Variants in TGFBR3 observed in about 807,000 individuals in gnomAD.
TGFBR3 encodes the protein transforming growth factor beta receptor 3, also known as transforming growth factor beta receptor type 3.
Under a neutral mutation model 87.9 loss-of-function variants are expected in TGFBR3, and 46 were observed. The observed-to-expected ratio is 0.52, with a 90% CI of 0.41 to 0.67. The LOEUF is 0.67. TGFBR3 is among the 30% of genes least tolerant of loss of function. TGFBR3 has a pLI of 0.00. For synonymous variants in TGFBR3, 381 were observed against 391.6 expected, an observed-to-expected ratio of 0.97 and a Z score of 0.32; for missense variants, 866 against 1,041.9, an observed-to-expected ratio of 0.83 and a Z score of 2.32.
intron 2 of TGFBR3, among the ~76,000 whole-genome samples, chr1:91,839,233 C>A (rs1032140733): frequency 6.6e-6 from 1 of 152,164 alleles, no homozygotes; most frequent in Non-Finnish European, 1.5e-5. Context: ...CCACCTCACC[C>A]CGTGAAAGTA....
chr1:91,800,871 G>A lies in TGFBR3; in HGVS notation c.62-3400C>T, dbSNP rs528112411. The A allele has an allele frequency of 6.4e-5, 11 of 171,410 alleles. No individual in the cohort carries two copies. In the South Asian group the frequency reaches 1.3e-3, roughly 20 times the overall value. 10.6% of individuals were successfully genotyped at this position (171,410 alleles called of 1,614,324 possible). Reference sequence around the variant, plus strand: ...AGGCCGAAGCGGGTGGATCACCTGAGGTCAGGAGTTCAAGACCAGCCTAGC... The same window carrying A: ...AGGCCGAAGCGGGTGGATCACCTGAAGTCAGGAGTTCAAGACCAGCCTAGC... On this transcript the variant is annotated intron_variant, in intron 2 of 16. Coordinates refer to ENST00000212355, the MANE Select transcript of TGFBR3 (RefSeq NM_003243.5).
intron 2 of TGFBR3, among the ~76,000 whole-genome samples, chr1:91,806,717 A>G (rs1675847177): frequency 6.6e-6 from 1 of 152,210 alleles, no homozygotes; most frequent in Non-Finnish European, 1.5e-5. Flanking sequence ...ATAGGCTGGG[A>G]CCAAGACATC....
chr1:91,690,858 AAAG>A (rs1241191375), intron 16 of TGFBR3, among the ~76,000 whole-genome samples: 1 of 152,180 alleles, frequency 6.6e-6, no homozygotes, highest in East Asian at 1.9e-4. Flanking sequence ...AGATCATCTT[AAAG>A]AAGTTCACAA....
chr1:91,904,503 T>G (rs1331950775), intron 1 of TGFBR3, among the ~76,000 whole-genome samples: 1 of 151,616 alleles, frequency 6.6e-6, no homozygotes, highest in African/African-American at 2.4e-5. Flanking sequence ...TTCAAGCAAT[T>G]CTCCTGCCTC....
chr1:91,753,133 C>T (rs977873784), intron 4 of TGFBR3, among the ~76,000 whole-genome samples: 30 of 151,676 alleles, frequency 2.0e-4, no homozygotes, highest in Admixed American at 1.2e-3. Flanking sequence ...CGCCTATAAA[C>T]CCAGCACTTT....
intron 12 of TGFBR3, among the ~76,000 whole-genome samples, chr1:91,712,852 C>T: frequency 6.6e-6 from 1 of 152,146 alleles, no homozygotes; most frequent in East Asian, 1.9e-4. Context: ...AAAATAAAAA[C>T]ATATTTTGCA....
intron 1 of TGFBR3, among the ~76,000 whole-genome samples, chr1:91,874,047 T>C (rs1678689424): frequency 6.6e-6 from 1 of 152,202 alleles, no homozygotes; most frequent in Non-Finnish European, 1.5e-5. Flanking sequence ...GTGTGGGTAT[T>C]CAACAGAGAA....
intron 3 of TGFBR3, among the ~76,000 whole-genome samples, chr1:91,787,712 C>A (rs930333653): frequency 6.6e-6 from 1 of 152,286 alleles, no homozygotes; most frequent in Middle Eastern, 3.4e-3. Context: ...CACTGGCTCA[C>A]GCCTGTAAGC....
chr1:91,741,802 A>G (rs1021310418), intron 4 of TGFBR3, among the ~76,000 whole-genome samples: 2 of 152,036 alleles, frequency 1.3e-5, no homozygotes, highest in Non-Finnish European at 2.9e-5. Flanking sequence ...GGTCCTTATA[A>G]TCTCAACCAA....
chr1:91,800,009 G>C (rs1399084803), intron 2 of TGFBR3, among the ~76,000 whole-genome samples: 1 of 151,888 alleles, frequency 6.6e-6, no homozygotes, highest in Non-Finnish European at 1.5e-5. Flanking sequence ...CCACGGGTTG[G>C]TTATATGAGT....
chr1:91,880,325 G>A (rs769787721), intron 1 of TGFBR3, among the ~76,000 whole-genome samples: 7 of 152,110 alleles, frequency 4.6e-5, no homozygotes, highest in Non-Finnish European at 8.8e-5. Context: ...ATATGGCCGG[G>A]CGCGATGGCT....
chr1:91,828,453 C>T (rs1228629595), intron 2 of TGFBR3, among the ~76,000 whole-genome samples: 1 of 152,146 alleles, frequency 6.6e-6, no homozygotes, highest in Non-Finnish European at 1.5e-5. Flanking sequence ...TGAATGAAAA[C>T]GAACAGGACA....
At chr1:91,691,992 C>A (rs574214504) in intron 16 of TGFBR3, among the ~76,000 whole-genome samples, 8 of 151,222 alleles carry the variant, frequency 5.3e-5, no homozygotes, top group Non-Finnish European at 1.0e-4. Flanking sequence ...AGCGAGACTC[C>A]GTCTCAAAAC....
chr1:91,704,276 C>T (rs1429538129), intron 14 of TGFBR3, among the ~76,000 whole-genome samples: 5 of 149,776 alleles, frequency 3.3e-5, no homozygotes, highest in South Asian at 2.1e-4. Context: ...TGCAGTGAGC[C>T]GAGATTGCGC....
At chr1:91,791,023 T>C (rs539221165) in intron 3 of TGFBR3, among the ~76,000 whole-genome samples, 1 of 152,344 alleles carries the variant, frequency 6.6e-6, no homozygotes, top group South Asian at 2.1e-4. Flanking sequence ...GGTAGGTAGG[T>C]AGATAAAGAT....
At position 91,769,320 on chromosome 1, in the gene TGFBR3, T is replaced by C. The variant is rs111379194; in HGVS notation, c.247-10570A>G. On this transcript the variant is annotated intron_variant, in intron 3 of 16. Transcript: ENST00000212355. The stretch of plus-strand genomic sequence containing the variant: ...AAGCTCTTGTCTATACCATCCTCCA[T>C]TGAGGCTTCAAGTCAAAACGGGTTT... 1.3e-3 allele frequency among the ~76,000 whole-genome samples: 196 copies of C among 152,306 alleles called. 2 individuals are homozygous for C. The highest frequency in any genetic ancestry group is 4.5e-3 in the African/African-American group (188 of 41,566).
chr1:91,705,399 G>T (rs1052784658), intron 14 of TGFBR3, among the ~76,000 whole-genome samples: 14 of 146,288 alleles, frequency 9.6e-5, no homozygotes, highest in East Asian at 2.0e-4. Context: ...AATTTTTTTG[G>T]TTTTTTTTTT....
At chr1:91,857,100 G>A (rs1677982059) in intron 2 of TGFBR3, among the ~76,000 whole-genome samples, 1 of 152,110 alleles carries the variant, frequency 6.6e-6, no homozygotes, top group Non-Finnish European at 1.5e-5. Context: ...GACAGCCTGT[G>A]AGCCAAGCAC....
At chr1:91,793,762 C>T (rs1675274859) in intron 3 of TGFBR3, among the ~76,000 whole-genome samples, 2 of 136,744 alleles carry the variant, frequency 1.5e-5, no homozygotes, top group South Asian at 4.7e-4. Context: ...GCCAAGATCA[C>T]ACAACTGTGC....
Sources: allele counts gnomAD v4.1 joint callset (sites outside exome capture counted in the v4.1 genomes callset), GRCh38; gene constraint gnomAD v4.1.1; transcripts MANE v1.5; gene names NCBI Gene and HGNC (gene_info 2026-07-23, HGNC 2026-07-21).